The following DOCK1 variants were observed in gnomAD, a reference collection of about 807,000 sequenced individuals.
The protein encoded by DOCK1 is dedicator of cytokinesis protein 1.
Under a neutral mutation model 262.7 loss-of-function variants are expected in DOCK1, and 138 were observed. That is an observed-to-expected ratio of 0.53 (90% CI 0.46 to 0.61). The LOEUF (loss-of-function observed/expected upper bound fraction) is 0.61. Ranked by LOEUF, DOCK1 falls within the 20% of genes least tolerant of loss-of-function variation. The pLI, the probability that DOCK1 is intolerant of heterozygous loss-of-function variation, is 0.00. For missense variants in DOCK1, 1,908 were observed against 2,370.7 expected, an observed-to-expected ratio of 0.80 and a Z score of 4.05; for synonymous variants, 866 against 867.4, an observed-to-expected ratio of 1.00 and a Z score of 0.03.
At chr10:126,925,678 G>A (rs2033646140) in intron 1 of DOCK1, among the ~76,000 whole-genome samples, 1 of 151,848 alleles carries the variant, frequency 6.6e-6, no homozygotes, top group Non-Finnish European at 1.5e-5. Context: ...CACCCTGGCC[G>A]GCCTTATGTG....
At position 127,125,493 on chromosome 10, in the gene DOCK1, T is replaced by C. The variant is rs1230094534; in HGVS notation, c.2643T>C (p.Leu881=). The C allele has an allele frequency of 6.2e-7, 1 of 1,613,366 alleles. No individual in the cohort carries two copies. The highest frequency in any genetic ancestry group is 2.2e-5 in the East Asian group (1 of 44,850). ...FTQHDCREIL[L]PMMTDQLKYH... ...GTGTAGACTGCAGAGAGATCCTGCTTCCCATGATGACCGATCAGCTCAAGT... is the reference window on the plus strand; with the variant it reads ...GTGTAGACTGCAGAGAGATCCTGCTCCCCATGATGACCGATCAGCTCAAGT... The change falls in exon 26 of 52, where the codon CTT becomes CTC. Residue 881 remains leucine (L), a synonymous_variant. Transcript: ENST00000623213.
At chr10:127,129,576 C>T (rs1592136808) in intron 27 of DOCK1, among the ~76,000 whole-genome samples, 1 of 152,188 alleles carries the variant, frequency 6.6e-6, no homozygotes, top group Admixed American at 6.5e-5. Flanking sequence ...CACCTGTTGA[C>T]CCCTGAGGTC....
Position 127,179,662 on chromosome 10 carries a change from T to G in DOCK1, c.2847+51898T>G, listed in dbSNP as rs191851001. Among the ~76,000 whole-genome samples the G allele has an allele frequency of 2.1e-3, 324 of 152,244 alleles. 6 individuals are homozygous for G. Among genetic ancestry groups the G allele is most frequent in the Admixed American group, 4.8e-3 (73 of 15,288 alleles). On this transcript the variant is annotated intron_variant, in intron 27 of 51. Transcript: ENST00000623213. ...TGGGGGTGGAGGGTAAGGCTTACAGTGATTACCATTAAGAAAATGATTTTG... is the reference window on the plus strand; with the variant it reads ...TGGGGGTGGAGGGTAAGGCTTACAGGGATTACCATTAAGAAAATGATTTTG...
At chr10:127,450,133 A>G (rs2070860298) in intron 51 of DOCK1, among the ~76,000 whole-genome samples, 1 of 152,154 alleles carries the variant, frequency 6.6e-6, no homozygotes, top group Non-Finnish European at 1.5e-5. Context: ...CTTCCTTAAT[A>G]TAAGGTCATA....
intron 24 of DOCK1, among the ~76,000 whole-genome samples, chr10:127,107,650 A>G (rs993509679): frequency 6.6e-6 from 1 of 152,136 alleles, no homozygotes; most frequent in African/African-American, 2.4e-5. Flanking sequence ...CTTGTTAGAG[A>G]AAGCCAAACT....
intron 29 of DOCK1, among the ~76,000 whole-genome samples, chr10:127,334,987 G>A (rs552814101): frequency 7.4e-4 from 112 of 152,254 alleles, no homozygotes; most frequent in Middle Eastern, 6.8e-3. Context: ...AGAGCCAGGG[G>A]CAACCAAATA....
At chr10:127,170,745 T>A (rs1349637846) in intron 27 of DOCK1, among the ~76,000 whole-genome samples, 1 of 152,200 alleles carries the variant, frequency 6.6e-6, no homozygotes, top group African/African-American at 2.4e-5. Context: ...CTGTCCCATT[T>A]GCCTTGTTCT....
intron 32 of DOCK1, among the ~76,000 whole-genome samples, chr10:127,355,348 A>G (rs1176811337): frequency 1.3e-5 from 2 of 152,214 alleles, no homozygotes; most frequent in African/African-American, 4.8e-5. Flanking sequence ...CAAGAAATCA[A>G]TGACTGACAA....
intron 10 of DOCK1, among the ~76,000 whole-genome samples, chr10:127,002,994 C>T (rs1369128756): frequency 1.3e-5 from 2 of 152,276 alleles, no homozygotes; most frequent in African/African-American, 2.4e-5. Context: ...GGGTGTCCCC[C>T]CTCACTTAGG....
intron 22 of DOCK1, among the ~76,000 whole-genome samples, chr10:127,056,120 T>C (rs1397506904): frequency 6.6e-6 from 1 of 152,154 alleles, no homozygotes; most frequent in African/African-American, 2.4e-5. Flanking sequence ...CTGAGGCCAT[T>C]GTCTGGGCAT....
Position 126,998,108 on chromosome 10 carries a change from T to G in DOCK1, c.626T>G (p.Ile209Arg). The G allele has an allele frequency of 6.2e-7, 1 of 1,614,016 alleles. No homozygotes were observed. Among genetic ancestry groups the G allele is most frequent in the African/African-American group, 1.3e-5 (1 of 75,048 alleles). Residue 209 changes from isoleucine (I) to arginine (R), a missense_variant, in exon 8 of 52, where the codon ATA (isoleucine) becomes AGA (arginine). Transcript: ENST00000623213. ...LQEEKSQKQN[I>R]DINRQAKFAA... is the part of the protein sequence containing the mutation. The stretch of plus-strand genomic sequence containing the variant: ...CATACACAGTCTCAAAAGCAGAACA[T>G]AGATATTAACAGACAAGCCAAGTTT...
intron 27 of DOCK1, among the ~76,000 whole-genome samples, chr10:127,180,045 A>T (rs1329132633): frequency 2.6e-5 from 4 of 152,172 alleles, no homozygotes; most frequent in Admixed American, 2.6e-4. Flanking sequence ...ACCCATTGAA[A>T]CAGCTGAATC....
intron 23 of DOCK1, among the ~76,000 whole-genome samples, chr10:127,092,232 G>A (rs964216099): frequency 1.3e-5 from 2 of 152,194 alleles, no homozygotes; most frequent in Admixed American, 1.3e-4. Context: ...CTGAGAAGGT[G>A]CCCAGTGCAC....
chr10:126,963,328 A>C lies in DOCK1; in HGVS notation c.47-7374A>C, dbSNP rs1208884895. Among the ~76,000 whole-genome samples, 3 of 152,288 alleles carry C rather than the reference A, an allele frequency of 2.0e-5. No homozygotes were observed. In the East Asian group the frequency reaches 5.8e-4, roughly 29 times the overall value. ...ACAATATTAAGTCTCCCACTCCATGAACACAAATATTTTTCAGTTTGTTCA... is the reference window on the plus strand; with the variant it reads ...ACAATATTAAGTCTCCCACTCCATGCACACAAATATTTTTCAGTTTGTTCA... On this transcript the variant is annotated intron_variant, in intron 1 of 51. Transcript: ENST00000623213.
chr10:127,339,732 T>TGTGC (rs1554951478), intron 30 of DOCK1, among the ~76,000 whole-genome samples: 1 of 40,336 alleles, frequency 2.5e-5, no homozygotes, highest in Non-Finnish European at 7.2e-5. Context: ...TGTGTGTGTG[T>TGTGC]GTGCATGCTG....
intron 29 of DOCK1, among the ~76,000 whole-genome samples, chr10:127,295,069 G>T (rs961454234): frequency 6.6e-6 from 1 of 152,156 alleles, no homozygotes; most frequent in African/African-American, 2.4e-5. Flanking sequence ...TTTTCAGCCT[G>T]GGCAACAAAG....
In DOCK1 at chr10:126,910,215, A is replaced by G. The variant is rs772360170; in HGVS notation, c.46+4652A>G. 4.6e-5 allele frequency among the ~76,000 whole-genome samples: 7 copies of G among 152,364 alleles called. No homozygotes were observed. In the South Asian group the frequency reaches 1.0e-3, roughly 23 times the overall value. ...AATCAGGGCATATTATATTTCTACAAACCTGATTTTACTTTGGAAACATAA... is the reference window on the plus strand; with the variant it reads ...AATCAGGGCATATTATATTTCTACAGACCTGATTTTACTTTGGAAACATAA... On this transcript the variant is annotated intron_variant, in intron 1 of 51. Coordinates refer to ENST00000623213, the MANE Select transcript of DOCK1 (RefSeq NM_001290223.2).
chr10:127,130,171 T>C (rs2133133829), intron 27 of DOCK1, among the ~76,000 whole-genome samples: 1 of 150,854 alleles, frequency 6.6e-6, no homozygotes, highest in South Asian at 2.1e-4. Context: ...GCAACCTCTG[T>C]CTCCTGGGTT....
intron 29 of DOCK1, among the ~76,000 whole-genome samples, chr10:127,303,395 GC>G (rs2061757591): frequency 6.6e-6 from 1 of 152,162 alleles, no homozygotes. Context: ...CAAAGTCAAT[GC>G]CTAGTTGAGA....
Sources: gnomAD v4.1 joint callset for allele counts (sites outside exome capture counted in the v4.1 genomes callset) on GRCh38, gnomAD v4.1.1 for gene constraint, MANE v1.5 for transcripts, NCBI Gene and HGNC (gene_info 2026-07-23, HGNC 2026-07-21) for gene names.